The following MYOZ1 variants were observed in gnomAD, a reference collection of about 807,000 sequenced individuals.
The protein encoded by MYOZ1 is myozenin 1.
MYOZ1 carries 20 observed loss-of-function variants against 28.7 expected under a neutral mutation model. The observed-to-expected ratio is 0.70, with a 90% CI of 0.49 to 1.01. MYOZ1 has a LOEUF of 1.01. Among genes scored for constraint, MYOZ1 ranks in the 50% least tolerant of loss-of-function variants. MYOZ1 has a pLI of 0.00. For missense variants in MYOZ1, 371 were observed against 372.4 expected (o/e 1.00, Z 0.03); for synonymous variants, 144 against 145.8 (o/e 0.99, Z 0.09).
intron 3 of MYOZ1, among the ~76,000 whole-genome samples, chr10:73,635,233 C>T (rs150396740): frequency 1.2e-3 from 183 of 152,090 alleles, no homozygotes; most frequent in African/African-American, 4.3e-3. Flanking sequence ...CCGAATTAAA[C>T]TCTTCTTAAG....
chr10:73,637,708 C>T (rs1410435485), intron 3 of MYOZ1, 36 bp downstream of exon 3: 1 of 1,577,646 alleles, frequency 6.3e-7, no homozygotes, highest in East Asian at 2.3e-5. Context: ...AGAACAGGCA[C>T]CAGGCTTTGA....
At chr10:73,638,264 A>C (rs1419819193) in intron 2 of MYOZ1, among the ~76,000 whole-genome samples, 1 of 151,674 alleles carries the variant, frequency 6.6e-6, no homozygotes, top group Non-Finnish European at 1.5e-5. Flanking sequence ...CCAGAGGCCA[A>C]TCTTGTGTGG....
chr10:73,634,553 C>G lies in MYOZ1; in HGVS notation c.433G>C (p.Gly145Arg). 1 of 1,614,156 alleles carries G rather than the reference C, an allele frequency of 6.2e-7. No individual in the cohort carries two copies. The highest frequency in any genetic ancestry group is 1.1e-5 in the South Asian group (1 of 91,084). ...LGSGSGAGGTGGPAGQAGRGG... is the reference protein window; with the variant it reads ...LGSGSGAGGTRGPAGQAGRGG... ...CTGCCAGCCTGGCCCGCGGGACCACCTGTACCCCCAGCTCCAGACCCAGAG... is the reference window on the plus strand; with the variant it reads ...CTGCCAGCCTGGCCCGCGGGACCACGTGTACCCCCAGCTCCAGACCCAGAG... Residue 145 changes from glycine to arginine, a missense_variant, in exon 4 of 6, where the codon GGT becomes CGT. Physicochemically the swap from Gly to Arg is moderately radical, Grantham distance 125. Coordinates refer to ENST00000359322, the MANE Select transcript of MYOZ1 (RefSeq NM_021245.4).
chr10:73,634,584 A>T lies in MYOZ1; in HGVS notation c.402T>A (p.His134Gln), dbSNP rs1451855589. The T allele has an allele frequency of 6.2e-7, 1 of 1,614,074 alleles. No homozygotes were observed. The change falls in exon 4 of 6, where the codon CAT (histidine) becomes CAA (glutamine). Residue 134 changes from histidine (H) to glutamine (Q), a missense_variant. Physicochemically the swap from His to Gln is conservative, Grantham distance 24 (BLOSUM62 0). Transcript: ENST00000359322. ...AGQYGSDQQH[H>Q]LGSGSGAGGT... ...CCCCAGCTCCAGACCCAGAGCCCAG[A>T]TGGTGCTGCTGATCAGAGCCATACT...
At chr10:73,640,549 C>T (rs1181233745) in intron 1 of MYOZ1, among the ~76,000 whole-genome samples, 1 of 152,190 alleles carries the variant, frequency 6.6e-6, no homozygotes, top group African/African-American at 2.4e-5. Flanking sequence ...ACACCAGCCC[C>T]TGTTGTCTAC....
At chr10:73,639,560 T>G (rs572580344) in intron 2 of MYOZ1, among the ~76,000 whole-genome samples, 1 of 152,268 alleles carries the variant, frequency 6.6e-6, no homozygotes, top group South Asian at 2.1e-4. Context: ...AGTTTTCCAT[T>G]TTAAGTACTT....
chr10:73,637,993 C>A (rs1404569834), intron 2 of MYOZ1, 71 bp from the exon 3 acceptor site: 3 of 1,423,132 alleles, frequency 2.1e-6, no homozygotes, highest in African/African-American at 2.8e-5. Flanking sequence ...AGAATGCAGA[C>A]CTCATCCACA....
chr10:73,640,898 C>T (rs1254751618), intron 1 of MYOZ1, among the ~76,000 whole-genome samples: 1 of 152,142 alleles, frequency 6.6e-6, no homozygotes, highest in Non-Finnish European at 1.5e-5. Flanking sequence ...TGGCCCTGCT[C>T]CTGCAATCAC....
At chr10:73,638,668 T>TTATGTATTTATTTATG (rs1554958192) in intron 2 of MYOZ1, among the ~76,000 whole-genome samples, 6 of 147,434 alleles carry the variant, frequency 4.1e-5, no homozygotes, top group African/African-American at 1.0e-4. Context: ...ATTTATTTAT[T>TTATGTATTTATTTATG]TATTTATTTA....
chr10:73,638,668 T>TTATTTATTTCTTTATG (rs2081683840), intron 2 of MYOZ1, among the ~76,000 whole-genome samples: 2 of 147,434 alleles, frequency 1.4e-5, no homozygotes, highest in Admixed American at 6.8e-5. Flanking sequence ...ATTTATTTAT[T>TTATTTATTTCTTTATG]TATTTATTTA....
intron 2 of MYOZ1, among the ~76,000 whole-genome samples, chr10:73,638,524 G>C (rs888957637): frequency 2.0e-5 from 3 of 151,530 alleles, no homozygotes; most frequent in African/African-American, 7.3e-5. Context: ...GGTAGGGATG[G>C]GGTTTCACCA....
chr10:73,637,010 C>CTTTT lies in MYOZ1; in HGVS notation c.252+733_252+734insAAAA, dbSNP rs200349316. ...TTATCTTCTTCCTTTTTTCTTTTTTCTTTCTTTTTTTTTTTTTTTTGAGAC... is the reference window on the plus strand; with the variant it reads ...TTATCTTCTTCCTTTTTTCTTTTTTCTTTTTTTCTTTTTTTTTTTTTTTTGAGAC... On this transcript the variant is annotated intron_variant, in intron 3 of 5. Transcript: ENST00000359322. Among the ~76,000 whole-genome samples the CTTTT allele has an allele frequency of 4.4e-4, 60 of 137,482 alleles. 3 individuals carry two copies. The highest frequency in any genetic ancestry group is 3.7e-3 in the Middle Eastern group (1 of 268). 90.2% of individuals were successfully genotyped at this position (137,482 alleles called of 152,430 possible).
At chr10:73,636,169 A>G (rs555249721) in intron 3 of MYOZ1, among the ~76,000 whole-genome samples, 2 of 152,274 alleles carry the variant, frequency 1.3e-5, no homozygotes, top group South Asian at 4.1e-4. Context: ...TGGAGGAGGA[A>G]GAAAGGAAAT....
At chr10:73,638,676 T>G (rs1017997280) in intron 2 of MYOZ1, among the ~76,000 whole-genome samples, 1 of 145,922 alleles carries the variant, frequency 6.9e-6, no homozygotes, top group Admixed American at 6.8e-5. Flanking sequence ...ATTTATTTAT[T>G]TATTTATTGA....
At chr10:73,638,490 C>A (rs1429865884) in intron 2 of MYOZ1, among the ~76,000 whole-genome samples, 1 of 150,848 alleles carries the variant, frequency 6.6e-6, no homozygotes, top group Non-Finnish European at 1.5e-5. Context: ...GCACCACCAT[C>A]CCTGGCTGAT....
At chr10:73,639,809 C>T in intron 2 of MYOZ1, 136 bp downstream of exon 2, 1 of 767,334 alleles carries the variant, frequency 1.3e-6, no homozygotes, top group Non-Finnish European at 2.1e-6. Context: ...AATCTTCCCT[C>T]TCCCACTCCC....
rs767855451 is a variant in MYOZ1, at chr10:73,632,025, T to C, written c.805A>G (p.Asn269Asp). The C allele has an allele frequency of 3.1e-6, 5 of 1,613,958 alleles. No individual in the cohort carries two copies. Among genetic ancestry groups the C allele is most frequent in the Non-Finnish European group, 4.2e-6 (5 of 1,180,026 alleles). The change falls in exon 6 of 6, where the codon AAT (asparagine) becomes GAT (aspartate). Residue 269 changes from asparagine to aspartate, a missense_variant. Transcript: ENST00000359322. ...CTCAGCCAGGGAATAGGGGTTCGAT[T>C]GAAAGAAGGCCTGTTGGAGAGGTTT... Reference protein sequence around the residue: ...NQNLSNRPSFNRTPIPWLSSG... With the variant: ...NQNLSNRPSFDRTPIPWLSSG...
At chr10:73,634,147 G>A (rs1423118048) in intron 4 of MYOZ1, 82 bp from the exon 5 acceptor site, 2 of 1,500,772 alleles carry the variant, frequency 1.3e-6, no homozygotes, top group Non-Finnish European at 1.8e-6. Context: ...CCTACACTAG[G>A]GAAATTGCAA....
At chr10:73,638,835 T>A (rs1251898970) in intron 2 of MYOZ1, among the ~76,000 whole-genome samples, 1 of 151,054 alleles carries the variant, frequency 6.6e-6, no homozygotes, top group Non-Finnish European at 1.5e-5. Flanking sequence ...CCCAGTTAAT[T>A]TTTCTATTTT....
Sources: allele counts gnomAD v4.1 joint callset (sites outside exome capture counted in the v4.1 genomes callset), GRCh38; gene constraint gnomAD v4.1.1; transcripts MANE v1.5; gene names NCBI Gene and HGNC (gene_info 2026-07-23, HGNC 2026-07-21).